Variants in HTR7 observed in about 807,000 individuals in gnomAD.
HTR7 encodes 5-hydroxytryptamine receptor 7, also known as 5-HT-7.
In HTR7, 16 loss-of-function variants were observed where a neutral mutation model predicts 34.0. The ratio of observed to expected loss-of-function variants is 0.47; its 90% CI spans 0.32 to 0.71. The LOEUF (loss-of-function observed/expected upper bound fraction) is 0.71, where lower values mean the gene tolerates loss of function less well. HTR7 is among the 30% of genes least tolerant of loss of function. The pLI, the probability that HTR7 is intolerant of heterozygous loss-of-function variation, is 0.04. For synonymous variants in HTR7, 265 were observed against 260.2 expected, an observed-to-expected ratio of 1.02 and a Z score of -0.18; for missense variants, 504 against 625.5, an observed-to-expected ratio of 0.81 and a Z score of 2.07.
At chr10:90,856,699 T>G (rs1217132666) in intron 1 of HTR7, among the ~76,000 whole-genome samples, 1 of 149,738 alleles carries the variant, frequency 6.7e-6, no homozygotes, top group Non-Finnish European at 1.5e-5. Flanking sequence ...TTTACTGGCC[T>G]AGGGAGTAGC....
At chr10:90,771,274 C>T (rs1312314692) in intron 1 of HTR7, among the ~76,000 whole-genome samples, 3 of 152,328 alleles carry the variant, frequency 2.0e-5, no homozygotes, top group Admixed American at 6.5e-5. Context: ...AGCTCCTCTT[C>T]GTCTTGCTCA....
At chr10:90,841,485 T>C (rs1336846327) in intron 1 of HTR7, among the ~76,000 whole-genome samples, 1 of 152,212 alleles carries the variant, frequency 6.6e-6, no homozygotes, top group Non-Finnish European at 1.5e-5. Context: ...ATTCATTTCA[T>C]CACCTTTTCC....
chr10:90,810,071 A>G (rs1845779965), intron 1 of HTR7, among the ~76,000 whole-genome samples: 1 of 152,140 alleles, frequency 6.6e-6, no homozygotes, highest in African/African-American at 2.4e-5. Context: ...TGTTGTGGGT[A>G]TTGACGGCCA....
chr10:90,833,733 C>T (rs919912686), intron 1 of HTR7, among the ~76,000 whole-genome samples: 7 of 152,002 alleles, frequency 4.6e-5, no homozygotes, highest in African/African-American at 1.7e-4. Flanking sequence ...AGTGAAGAGA[C>T]ACAGGAAATG....
At position 90,843,306 on chromosome 10, in the gene HTR7, G is replaced by A. The variant is rs1846358615; in HGVS notation, c.539+13827C>T. ...AGTCTTCAAGATAAGCCTGGGTCAT[G>A]CTATGCAGAGTGTACAGATGATCCC... On this transcript the variant is annotated intron_variant, in intron 1 of 3. Coordinates refer to ENST00000336152, the MANE Select transcript of HTR7 (RefSeq NM_019859.4). 3.9e-5 allele frequency among the ~76,000 whole-genome samples: 6 copies of A among 152,184 alleles called. No individual in the cohort carries two copies. In the South Asian group the frequency reaches 1.2e-3, roughly 31 times the overall value.
chr10:90,805,054 G>C (rs1315478635), intron 1 of HTR7, among the ~76,000 whole-genome samples: 1 of 152,110 alleles, frequency 6.6e-6, no homozygotes, highest in East Asian at 1.9e-4. Context: ...TGCATTACCT[G>C]GTCTCTAGCT....
At chr10:90,846,179 T>C (rs1846411455) in intron 1 of HTR7, among the ~76,000 whole-genome samples, 1 of 152,240 alleles carries the variant, frequency 6.6e-6, no homozygotes, top group Non-Finnish European at 1.5e-5. Flanking sequence ...AATTCATTTA[T>C]GTTCTATATT....
rs562156964 is a variant in HTR7 at position 90,784,068 on chromosome 10, T to C, written c.540-34474A>G. ...AAAACAAGTCATATTAAGTAGATGA[T>C]GTGGAATAGTATAACATTTTATACA... On this transcript the variant is annotated intron_variant, in intron 1 of 3. Transcript: ENST00000336152. Among the ~76,000 whole-genome samples the C allele has an allele frequency of 2.1e-3, 323 of 152,372 alleles. 1 individual carries two copies. The highest frequency in any genetic ancestry group is 0.01 in the Middle Eastern group (3 of 294).
At chr10:90,810,997 C>T (rs532407128) in intron 1 of HTR7, among the ~76,000 whole-genome samples, 1 of 152,264 alleles carries the variant, frequency 6.6e-6, no homozygotes, top group East Asian at 1.9e-4. Context: ...CTAACAAAAC[C>T]ATTATATAAA....
At chr10:90,846,596 C>G (rs1369749875) in intron 1 of HTR7, among the ~76,000 whole-genome samples, 1 of 152,178 alleles carries the variant, frequency 6.6e-6, no homozygotes, top group East Asian at 1.9e-4. Flanking sequence ...AGAGCTCTAG[C>G]CACCATCTTC....
rs1044299434 is a variant in HTR7, at chr10:90,761,832, CTCTT to C, written c.540-12242_540-12239del. On this transcript the variant is annotated intron_variant, in intron 1 of 3. Transcript: ENST00000336152. ...CCCCTGCCAACAACCATGCTACTCTCTCTTTCTGAGTTTGACTTTTTAGATTCCA... is the reference window on the plus strand; with the variant it reads ...CCCCTGCCAACAACCATGCTACTCTCTCTGAGTTTGACTTTTTAGATTCCA... 8.0e-4 allele frequency among the ~76,000 whole-genome samples: 122 copies of C among 152,308 alleles called. 1 individual carries two copies. Among genetic ancestry groups the C allele is most frequent in the African/African-American group, 2.7e-3 (114 of 41,560 alleles).
At chr10:90,760,362 T>C (rs1844916369) in intron 1 of HTR7, among the ~76,000 whole-genome samples, 1 of 152,160 alleles carries the variant, frequency 6.6e-6, no homozygotes, top group Non-Finnish European at 1.5e-5. Context: ...GAAAGAACGA[T>C]ATACAAAGAT....
intron 1 of HTR7, among the ~76,000 whole-genome samples, chr10:90,813,802 A>AT (rs1409050628): frequency 6.6e-6 from 1 of 152,162 alleles, no homozygotes; most frequent in African/African-American, 2.4e-5. Flanking sequence ...AAAAGACAGC[A>AT]TGGCGCTGGC....
At chr10:90,804,628 G>A (rs1339997002) in intron 1 of HTR7, among the ~76,000 whole-genome samples, 1 of 152,102 alleles carries the variant, frequency 6.6e-6, no homozygotes, top group Non-Finnish European at 1.5e-5. Context: ...GAGTTCAAAG[G>A]CCAGAAATAT....
intron 1 of HTR7, among the ~76,000 whole-genome samples, chr10:90,820,677 T>A (rs769847595): frequency 2.0e-5 from 3 of 152,160 alleles, no homozygotes; most frequent in East Asian, 1.9e-4. Context: ...AATTGTAACA[T>A]CCTAGCACTA....
chr10:90,742,184 C>T lies in HTR7; in HGVS notation c.*298G>A. 8.3e-6 allele frequency: 2 copies of T among 239,522 alleles called. No homozygotes were observed. The highest frequency in any genetic ancestry group is 1.6e-5 in the Non-Finnish European group (2 of 123,628). The allele number at this position is 239,522 out of a possible 1,614,324, so 14.8% of individuals were successfully genotyped here. A position where few individuals can be genotyped will look rare whatever the true frequency, so the allele number is the denominator to read the frequency against. ...TTTCTCCCACTTGCATGGATTTGGA[C>T]ATATGCAAAGCACCAGAAACTGCTT... On this transcript the variant is annotated 3_prime_UTR_variant, in exon 4 of 4. Transcript: ENST00000336152.
intron 1 of HTR7, among the ~76,000 whole-genome samples, chr10:90,792,410 G>T (rs975528238): frequency 2.6e-5 from 4 of 151,920 alleles, no homozygotes; most frequent in African/African-American, 9.7e-5. Context: ...AGCTATACCA[G>T]CAGGAATTAA....
intron 1 of HTR7, among the ~76,000 whole-genome samples, chr10:90,837,059 A>AC (rs1846263590): frequency 6.6e-6 from 1 of 152,060 alleles, no homozygotes; most frequent in Admixed American, 6.6e-5. Context: ...CCATCTCTGG[A>AC]CTTTCCTGGC....
intron 1 of HTR7, among the ~76,000 whole-genome samples, chr10:90,791,012 C>A (rs539446159): frequency 6.6e-6 from 1 of 152,034 alleles, no homozygotes. Context: ...CTAATAAATT[C>A]ATACAAATAA....
Sources: allele counts gnomAD v4.1 joint callset (sites outside exome capture counted in the v4.1 genomes callset), GRCh38; gene constraint gnomAD v4.1.1; transcripts MANE v1.5; gene names NCBI Gene and HGNC (gene_info 2026-07-23, HGNC 2026-07-21).